Variants in MOSPD2 observed in about 807,000 individuals in gnomAD.
MOSPD2 encodes motile sperm domain-containing protein 2.
Under a neutral mutation model 41.7 loss-of-function variants are expected in MOSPD2, and 5 were observed. The observed-to-expected ratio is 0.12, with a 90% CI of 0.06 to 0.25. The LOEUF (loss-of-function observed/expected upper bound fraction) is 0.25, where lower values mean the gene tolerates loss of function less well. Among genes scored for constraint, MOSPD2 ranks in the 10% least tolerant of loss-of-function variants. The pLI is 1.00. For missense variants in MOSPD2, 282 were observed against 375.2 expected, an observed-to-expected ratio of 0.75 and a Z score of 2.05; for synonymous variants, 115 against 126.9, an observed-to-expected ratio of 0.91 and a Z score of 0.63.
At chrX:14,881,523 A>G (rs1203728569) in intron 2 of MOSPD2, among the ~76,000 whole-genome samples, 1 of 112,015 alleles carries the variant, frequency 8.9e-6, no homozygotes, top group Non-Finnish European at 1.9e-5. Context: ...TGTCTAGACT[A>G]TGAACCACTC....
At chrX:14,884,376 G>A (rs758761987) in intron 2 of MOSPD2, among the ~76,000 whole-genome samples, 9 of 111,651 alleles carry the variant, frequency 8.1e-5, no homozygotes, top group African/African-American at 1.6e-4. Flanking sequence ...TTCAGAATGA[G>A]GATAGAGATA....
At chrX:14,912,901 C>T (rs144226217) in intron 10 of MOSPD2, among the ~76,000 whole-genome samples, 42 of 112,076 alleles carry the variant, frequency 3.7e-4, no homozygotes, top group African/African-American at 1.3e-3. Flanking sequence ...TTTTGCCTTA[C>T]GTTACATTGC....
In MOSPD2 at chrX:14,895,301, T is replaced by G. The variant is rs776883959; in HGVS notation, c.236-7T>G. The G allele has an allele frequency of 2.7e-6, 3 of 1,104,271 alleles. No homozygotes were observed. Among genetic ancestry groups the G allele is most frequent in the East Asian group, 3.0e-5 (1 of 33,116 alleles). The allele number at this position is 1,104,271 out of a possible 1,213,427, so 91.0% of individuals were successfully genotyped here. ...ACAACTACTGATCAAAGCTTACCACTTTTTAGACCTTAATGAATCCTCCAT... is the reference window on the plus strand; with the variant it reads ...ACAACTACTGATCAAAGCTTACCACGTTTTAGACCTTAATGAATCCTCCAT... On this transcript the variant is annotated splice_region_variant and splice_polypyrimidine_tract_variant and intron_variant, in intron 3 of 14. Transcript: ENST00000380492.
intron 2 of MOSPD2, among the ~76,000 whole-genome samples, chrX:14,890,063 A>C (rs1417022706): frequency 9.0e-6 from 1 of 111,501 alleles, no homozygotes; most frequent in Non-Finnish European, 1.9e-5. Flanking sequence ...ATGCTAAGAT[A>C]TCATTTGCCT....
chrX:14,900,341 T>A (rs1482091455), intron 5 of MOSPD2, among the ~76,000 whole-genome samples: 1 of 111,882 alleles, frequency 8.9e-6, no homozygotes, highest in African/African-American at 3.2e-5. Context: ...TGTGAATAAT[T>A]TTAAAACATC....
chrX:14,912,101 A>C (rs2092592750), intron 9 of MOSPD2, 148 bp from the exon 10 acceptor site: 21 of 312,018 alleles, frequency 6.7e-5, no homozygotes. Flanking sequence ...ACAATGTTAT[A>C]ATTTAGAAAA....
At position 14,908,889 on chromosome X, in the gene MOSPD2, G is replaced by A; in HGVS notation, c.607G>A (p.Gly203Ser). Reference protein sequence around the residue: ...AAFKIVKTWLGPEAVSLLKFT... With the variant: ...AAFKIVKTWLSPEAVSLLKFT... ...TTTCAAAATTGTGAAAACCTGGCTTGGTCCAGAAGCAGTGAGCTTGTTGAA... is the reference window on the plus strand; with the variant it reads ...TTTCAAAATTGTGAAAACCTGGCTTAGTCCAGAAGCAGTGAGCTTGTTGAA... Residue 203 changes from glycine to serine, a missense_variant, in exon 8 of 15, where the codon GGT (glycine) becomes AGT (serine). Physicochemically the swap from Gly to Ser is moderately conservative, Grantham distance 56. Around this residue, in one of 3 missense-constraint regions of MOSPD2, gnomAD observed 187 missense variants for 256.6 expected, o/e 0.73. Transcript: ENST00000380492. 1 of 1,192,486 alleles carries A rather than the reference G, an allele frequency of 8.4e-7. No individual in the cohort carries two copies.
intron 2 of MOSPD2, among the ~76,000 whole-genome samples, chrX:14,875,273 T>C (rs1328103597): frequency 8.9e-6 from 1 of 112,368 alleles, no homozygotes; most frequent in Admixed American, 9.4e-5. Flanking sequence ...TTAGATCATG[T>C]CACTCTCCAG....
intron 2 of MOSPD2, among the ~76,000 whole-genome samples, chrX:14,878,557 A>T (rs778432645): frequency 8.9e-6 from 1 of 111,980 alleles, no homozygotes; most frequent in South Asian, 3.6e-4. Flanking sequence ...GTTTTTGAAT[A>T]TATTCAAAAT....
intron 2 of MOSPD2, among the ~76,000 whole-genome samples, chrX:14,888,196 ACACACACACG>A (rs1337722958): frequency 0.064 from 1,872 of 29,104 alleles, 39 homozygotes; most frequent in African/African-American, 0.19. Context: ...GAGAATATAT[ACACACACACG>A]CACACACACA....
intron 12 of MOSPD2, 97 bp downstream of exon 12, chrX:14,915,861 A>C: frequency 2.6e-6 from 2 of 756,656 alleles, no homozygotes; most frequent in Non-Finnish European, 4.0e-6. Flanking sequence ...TCAGGCTAGA[A>C]TCTAGAAATT....
chrX:14,911,108 CCTTT>C, intron 8 of MOSPD2, 125 bp from the exon 9 acceptor site: 1 of 572,247 alleles, frequency 1.7e-6, no homozygotes, highest in Non-Finnish European at 2.7e-6. Context: ...TGAAATGCTT[CCTTT>C]ATTTTAAATT....
chrX:14,918,643 C>CT, intron 13 of MOSPD2, 37 bp from the exon 14 acceptor site: 1 of 967,929 alleles, frequency 1.0e-6, no homozygotes. Context: ...AGAAAATTAA[C>CT]TTTTTAAGAA....
chrX:14,902,903 G>C, intron 6 of MOSPD2, 63 bp from the exon 7 acceptor site: 1 of 825,500 alleles, frequency 1.2e-6, no homozygotes, highest in Non-Finnish European at 1.8e-6. Flanking sequence ...TTCTAGGCTG[G>C]TATGAGTGAT....
chrX:14,878,738 G>A (rs1016833721), intron 2 of MOSPD2, among the ~76,000 whole-genome samples: 4 of 111,444 alleles, frequency 3.6e-5, no homozygotes, highest in Admixed American at 2.9e-4. Flanking sequence ...TAGGGTACAT[G>A]TGCACAACGT....
At chrX:14,889,751 G>C (rs1251354636) in intron 2 of MOSPD2, among the ~76,000 whole-genome samples, 1 of 111,789 alleles carries the variant, frequency 8.9e-6, no homozygotes, top group African/African-American at 3.3e-5. Context: ...TAATATAAAT[G>C]GGGCTTTCTA....
intron 4 of MOSPD2, 64 bp from the exon 5 acceptor site, chrX:14,897,020 T>C (rs868097360): frequency 1.2e-6 from 1 of 849,047 alleles, no homozygotes; most frequent in South Asian, 3.9e-5. Flanking sequence ...GGAAAGGCAA[T>C]ATATATGTAT....
chrX:14,888,198 A>ACACACG (rs1399872980), intron 2 of MOSPD2, among the ~76,000 whole-genome samples: 62 of 33,107 alleles, frequency 1.9e-3, no homozygotes, highest in Non-Finnish European at 2.8e-3. Context: ...GAATATATAC[A>ACACACG]CACACACGCA....
intron 3 of MOSPD2, among the ~76,000 whole-genome samples, chrX:14,894,551 C>T (rs1450247906): frequency 1.8e-5 from 2 of 110,080 alleles, no homozygotes; most frequent in Non-Finnish European, 3.8e-5. Context: ...CTCCTGACCT[C>T]GTGATCTGCC....
Sources: allele counts gnomAD v4.1 joint callset (sites outside exome capture counted in the v4.1 genomes callset), GRCh38; gene constraint gnomAD v4.1.1; regional missense constraint gnomAD v4.1.1; transcripts MANE v1.5; gene names NCBI Gene and HGNC (gene_info 2026-07-23, HGNC 2026-07-21).